The following DNAI1 variants were observed in gnomAD, a reference collection of about 807,000 sequenced individuals.
DNAI1 encodes the protein dynein, axonemal, intermediate polypeptide 1.
A neutral mutation model predicts 92.0 loss-of-function variants in DNAI1; 67 were observed. The observed-to-expected ratio is 0.73, with a 90% CI of 0.60 to 0.89. The LOEUF is 0.89. Ranked by LOEUF, DNAI1 falls within the 40% of genes least tolerant of loss-of-function variation. The pLI is 0.00. For synonymous variants in DNAI1, 323 were observed against 319.6 expected, an observed-to-expected ratio of 1.01 and a Z score of -0.11; for missense variants, 839 against 866.6, an observed-to-expected ratio of 0.97 and a Z score of 0.40.
chr9:34,490,074 AAGG>A lies in DNAI1; in HGVS notation c.454_456del (p.Glu152del). 1 of 1,614,208 alleles carries A rather than the reference AAGG, an allele frequency of 6.2e-7. No individual in the cohort carries two copies. Among genetic ancestry groups the A allele is most frequent in the East Asian group, 2.2e-5 (1 of 44,886 alleles). ...AAACCTCGAAGAAGACGAAGAGCCC[AAGG>A]AGTTAGAAACTGAGCCTGGGAGTCA... On this transcript the variant is annotated inframe_deletion, in exon 6 of 20. Transcript: ENST00000242317.
chr9:34,506,762 C>T lies in DNAI1; in HGVS notation c.1199C>T (p.Ala400Val), dbSNP rs1824940159. The change falls in exon 13 of 20, where the codon GCA becomes GTA. Residue 400 changes from alanine to valine, a missense_variant. Transcript: ENST00000242317. ...DIHVDHPYLV[A>V]VGHYDGNVAI... ...CACGTGGACCACCCCTACCTGGTGG[C>T]AGTAGGCCACTATGACGGCAACGTG... 6.2e-7 allele frequency: 1 copy of T among 1,614,066 alleles called. No individual in the cohort carries two copies. The highest frequency in any genetic ancestry group is 1.3e-5 in the African/African-American group (1 of 74,938).
chr9:34,490,638 A>C, intron 7 of DNAI1, 150 bp downstream of exon 7: 2 of 1,201,672 alleles, frequency 1.7e-6, no homozygotes, highest in South Asian at 1.3e-5. Context: ...GAGAGCTGAG[A>C]GCATGTGTTC....
At chr9:34,501,252 C>A in intron 12 of DNAI1, 71 bp downstream of exon 12, 1 of 1,271,888 alleles carries the variant, frequency 7.9e-7, no homozygotes, top group Non-Finnish European at 1.2e-6. Context: ...CTGTGCAGAA[C>A]TCTTTGCCAG....
chr9:34,514,301 C>A, intron 16 of DNAI1, 93 bp from the exon 17 acceptor site: 3 of 1,518,310 alleles, frequency 2.0e-6, no homozygotes, highest in Non-Finnish European at 2.7e-6. Context: ...GGGTTAAGGA[C>A]AGGAGTCTAA....
chr9:34,486,006 C>A (rs1463511077), intron 4 of DNAI1, among the ~76,000 whole-genome samples: 1 of 152,148 alleles, frequency 6.6e-6, no homozygotes, highest in East Asian at 1.9e-4. Context: ...AGGCCGGTGA[C>A]CTCCTCAGGG....
chr9:34,505,025 CT>C (rs1824897721), intron 12 of DNAI1, among the ~76,000 whole-genome samples: 1 of 152,176 alleles, frequency 6.6e-6, no homozygotes, highest in Non-Finnish European at 1.5e-5. Flanking sequence ...GGGAGCCTCT[CT>C]CTCTGATTCC....
chr9:34,481,048 C>G (rs1350592505), intron 1 of DNAI1, among the ~76,000 whole-genome samples: 1 of 152,180 alleles, frequency 6.6e-6, no homozygotes, highest in Admixed American at 6.6e-5. Context: ...CAATACCAGC[C>G]TGGCCAACCT....
chr9:34,472,592 G>C (rs1226566877), intron 1 of DNAI1, among the ~76,000 whole-genome samples: 11 of 152,112 alleles, frequency 7.2e-5, no homozygotes, highest in Admixed American at 7.2e-4. Context: ...AATTATAAAA[G>C]TAATGCATAT....
intron 16 of DNAI1, 45 bp downstream of exon 16, chr9:34,513,236 G>T (rs769651902): frequency 6.8e-7 from 1 of 1,473,350 alleles, no homozygotes; most frequent in South Asian, 1.1e-5. Flanking sequence ...GCTTAGACCT[G>T]AGCACCTGGG....
At chr9:34,480,271 A>AAT (rs1824326139) in intron 1 of DNAI1, among the ~76,000 whole-genome samples, 1 of 116,316 alleles carries the variant, frequency 8.6e-6, no homozygotes, top group Admixed American at 8.7e-5. Context: ...GTTTGGTGGA[A>AAT]CTTTTTTTTT....
intron 9 of DNAI1, among the ~76,000 whole-genome samples, chr9:34,495,806 A>C (rs1824710659): frequency 6.6e-6 from 1 of 152,204 alleles, no homozygotes; most frequent in African/African-American, 2.4e-5. Flanking sequence ...CACACTTACC[A>C]GGAAGCTGCT....
intron 14 of DNAI1, 28 bp from the exon 15 acceptor site, chr9:34,512,309 C>G (rs757762350): frequency 1.2e-6 from 2 of 1,613,102 alleles, no homozygotes; most frequent in African/African-American, 2.7e-5. Flanking sequence ...GTGCCCTCCC[C>G]CCCACATCCC....
chr9:34,481,906 C>T (rs774836319), intron 1 of DNAI1, among the ~76,000 whole-genome samples: 6 of 152,134 alleles, frequency 3.9e-5, no homozygotes, highest in Admixed American at 6.5e-5. Context: ...GAAGGGGACC[C>T]GAGCAGGTTG....
chr9:34,470,346 A>C (rs1014029232), intron 1 of DNAI1, among the ~76,000 whole-genome samples: 3 of 152,216 alleles, frequency 2.0e-5, no homozygotes, highest in African/African-American at 7.2e-5. Flanking sequence ...AAAAACAACT[A>C]TATGTTGCCT....
intron 1 of DNAI1, among the ~76,000 whole-genome samples, chr9:34,460,906 T>G (rs905739349): frequency 1.3e-5 from 2 of 152,112 alleles, no homozygotes; most frequent in African/African-American, 2.4e-5. Flanking sequence ...AGTGGTGTGA[T>G]CTTGGCTCAC....
At chr9:34,482,935 G>C (rs1372178035) in intron 1 of DNAI1, among the ~76,000 whole-genome samples, 1 of 152,248 alleles carries the variant, frequency 6.6e-6, no homozygotes. Context: ...GGCCCGGCGA[G>C]AAATCGAGCG....
intron 1 of DNAI1, among the ~76,000 whole-genome samples, chr9:34,465,154 C>G (rs1824014385): frequency 6.6e-6 from 1 of 152,164 alleles, no homozygotes; most frequent in East Asian, 1.9e-4. Flanking sequence ...AAAAGCTAAA[C>G]TGAATTGAGC....
chr9:34,488,024 A>G (rs1411852198), intron 4 of DNAI1: 1 of 367,922 alleles, frequency 2.7e-6, no homozygotes, highest in East Asian at 9.0e-5. Context: ...TGAAGGTGAA[A>G]TCTCAAATGA....
At chr9:34,488,813 C>T (rs148905443) in intron 4 of DNAI1, among the ~76,000 whole-genome samples, 1 of 152,212 alleles carries the variant, frequency 6.6e-6, no homozygotes, top group African/African-American at 2.4e-5. Flanking sequence ...TGCTGTGTGA[C>T]CCGGACAAAT....
Sources: gnomAD v4.1 joint callset for allele counts (sites outside exome capture counted in the v4.1 genomes callset) on GRCh38, gnomAD v4.1.1 for gene constraint, MANE v1.5 for transcripts, NCBI Gene and HGNC (gene_info 2026-07-23, HGNC 2026-07-21) for gene names.